Variants in DPYD observed in about 807,000 individuals in gnomAD.
DPYD encodes dihydropyrimidine dehydrogenase [NADP(+)].
A neutral mutation model predicts 116.2 loss-of-function variants in DPYD; 109 were observed. The observed-to-expected ratio is 0.94, with a 90% confidence interval of 0.80 to 1.10. The LOEUF (loss-of-function observed/expected upper bound fraction) is 1.10, where lower values mean the gene tolerates loss of function less well. Among genes scored for constraint, DPYD ranks in the 50% least tolerant of loss-of-function variants. DPYD has a pLI of 0.00. For synonymous variants in DPYD, 440 were observed against 432.0 expected, an observed-to-expected ratio of 1.02 and a Z score of -0.23; for missense variants, 1,302 against 1,254.5, an observed-to-expected ratio of 1.04 and a Z score of -0.57.
intron 1 of DPYD, among the ~76,000 whole-genome samples, chr1:97,898,224 G>T (rs1673180563): frequency 6.6e-6 from 1 of 151,400 alleles, no homozygotes. Context: ...GCAGCCATGG[G>T]TCATTTTCCC....
At chr1:97,774,709 GA>G in intron 3 of DPYD, 1 of 188,210 alleles carries the variant, frequency 5.3e-6, no homozygotes, top group Non-Finnish European at 1.2e-5. Context: ...TTTCAAGTGT[GA>G]AATACGCAAT....
intron 2 of DPYD, among the ~76,000 whole-genome samples, chr1:97,859,365 T>C (rs1405271376): frequency 6.6e-6 from 1 of 152,150 alleles, no homozygotes; most frequent in Non-Finnish European, 1.5e-5. Flanking sequence ...AACCTGGAGA[T>C]TCATTCCTTA....
intron 10 of DPYD, among the ~76,000 whole-genome samples, chr1:97,574,889 T>A (rs947904134): frequency 2.6e-5 from 4 of 152,116 alleles, no homozygotes; most frequent in African/African-American, 9.7e-5. Context: ...CTGGGTAATG[T>A]TTCCACTGAG....
In DPYD at chr1:97,872,419, C is replaced by T. The variant is rs374652998; in HGVS notation, c.150+10845G>A. ...AAGGCTGATGGCTGACAATTACAAA[C>T]GAGTTTAATTTGTGTGTCACATGGA... is the stretch of plus-strand genomic sequence containing the variant. On this transcript the variant is annotated intron_variant, in intron 2 of 22. Coordinates refer to ENST00000370192, the MANE Select transcript of DPYD (RefSeq NM_000110.4). Among the ~76,000 whole-genome samples the T allele has an allele frequency of 1.8e-4, 27 of 152,020 alleles. No homozygotes were observed. The South Asian group carries it at 4.6e-3, about 26-fold the overall frequency.
chr1:97,510,539 A>G (rs2101960280), intron 13 of DPYD, among the ~76,000 whole-genome samples: 1 of 152,074 alleles, frequency 6.6e-6, no homozygotes, highest in East Asian at 1.9e-4. Context: ...CCATGATTAG[A>G]TGATATTTTG....
At chr1:97,255,749 A>G (rs1038632626) in intron 18 of DPYD, among the ~76,000 whole-genome samples, 4 of 150,212 alleles carry the variant, frequency 2.7e-5, no homozygotes, top group African/African-American at 7.4e-5. Flanking sequence ...AGAGTGGCTG[A>G]GTAATCTAAC....
intron 2 of DPYD, among the ~76,000 whole-genome samples, chr1:97,877,205 T>C (rs994829430): frequency 9.2e-5 from 14 of 152,018 alleles, no homozygotes; most frequent in African/African-American, 3.1e-4. Flanking sequence ...AAGTGAGGGA[T>C]AGAAAGGGTT....
chr1:97,774,783 G>A, intron 3 of DPYD: 2 of 176,530 alleles, frequency 1.1e-5, no homozygotes. Context: ...TGAAGTAGTT[G>A]GTAACTGGGA....
intron 13 of DPYD, among the ~76,000 whole-genome samples, chr1:97,505,046 T>TA (rs1482102048): frequency 2.6e-5 from 4 of 151,862 alleles, no homozygotes; most frequent in Non-Finnish European, 5.9e-5. Flanking sequence ...TGAAGAACAA[T>TA]AAATGTCTCC....
chr1:97,375,364 T>C (rs1174977129), intron 15 of DPYD, among the ~76,000 whole-genome samples: 1 of 152,186 alleles, frequency 6.6e-6, no homozygotes, highest in Non-Finnish European at 1.5e-5. Context: ...CCTCAACAAA[T>C]TTAAGAACTC....
intron 18 of DPYD, among the ~76,000 whole-genome samples, chr1:97,293,128 T>C (rs1413362603): frequency 6.6e-6 from 1 of 152,228 alleles, no homozygotes; most frequent in East Asian, 1.9e-4. Context: ...AGAGGTTTAC[T>C]AGACCACTTA....
intron 12 of DPYD, among the ~76,000 whole-genome samples, chr1:97,522,463 C>G (rs1648750956): frequency 6.6e-6 from 1 of 152,276 alleles, no homozygotes. Context: ...TGGCTCACAC[C>G]TGTAATCCCA....
chr1:97,659,151 T>G (rs2100862563), intron 8 of DPYD, among the ~76,000 whole-genome samples: 1 of 152,296 alleles, frequency 6.6e-6, no homozygotes, highest in African/African-American at 2.4e-5. Flanking sequence ...CTTATGTTAT[T>G]ACCATATTTT....
intron 13 of DPYD, among the ~76,000 whole-genome samples, chr1:97,464,222 G>C (rs1404708631): frequency 1.5e-5 from 2 of 137,460 alleles, no homozygotes; most frequent in Admixed American, 7.1e-5. Context: ...CTGGGCAACA[G>C]AGCAAGACTC....
intron 12 of DPYD, among the ~76,000 whole-genome samples, chr1:97,537,025 T>C (rs1339559569): frequency 6.6e-6 from 1 of 152,262 alleles, no homozygotes; most frequent in Non-Finnish European, 1.5e-5. Flanking sequence ...AGAATGCCTT[T>C]GAAGATGTGA....
intron 12 of DPYD, among the ~76,000 whole-genome samples, chr1:97,536,498 T>G (rs2786772): frequency 0.4 from 60,856 of 152,074 alleles, 12,852 homozygotes; most frequent in African/African-American, 0.54. Context: ...GAAGAAGAAG[T>G]CAGCTCTGTT....
chr1:97,397,262 G>A (rs12043044), intron 14 of DPYD, among the ~76,000 whole-genome samples: 29,059 of 151,750 alleles, frequency 0.19, 2,927 homozygotes, highest in South Asian at 0.36. Context: ...TGTGTAGACT[G>A]TAGTAGTTAT....
intron 14 of DPYD, among the ~76,000 whole-genome samples, chr1:97,384,352 G>C (rs1315396175): frequency 1.3e-5 from 2 of 151,382 alleles, no homozygotes; most frequent in African/African-American, 4.8e-5. Context: ...AGGGAAAGAA[G>C]CATGTCTTTA....
intron 8 of DPYD, among the ~76,000 whole-genome samples, chr1:97,634,970 C>T (rs1657480043): frequency 6.6e-6 from 1 of 151,034 alleles, no homozygotes. Flanking sequence ...AGATAAAGGG[C>T]TTAAAATGCA....
Sources: gnomAD v4.1 joint callset for allele counts (sites outside exome capture counted in the v4.1 genomes callset) on GRCh38, gnomAD v4.1.1 for gene constraint, MANE v1.5 for transcripts, NCBI Gene and HGNC (gene_info 2026-07-23, HGNC 2026-07-21) for gene names.